The following MARCHF7 variants were observed in gnomAD, a reference collection of about 807,000 sequenced individuals.
MARCHF7 encodes the protein membrane associated ring-CH-type finger 7.
A neutral mutation model predicts 76.5 loss-of-function variants in MARCHF7; 20 were observed. The ratio of observed to expected loss-of-function variants is 0.26; its 90% CI spans 0.18 to 0.38. The LOEUF (loss-of-function observed/expected upper bound fraction) is 0.38. MARCHF7 is among the 10% of genes least tolerant of loss of function. The pLI, the probability that MARCHF7 is intolerant of heterozygous loss-of-function variation, is 1.00. For synonymous variants in MARCHF7, 295 were observed against 293.0 expected (o/e 1.01, Z -0.07); for missense variants, 797 against 812.9 (o/e 0.98, Z 0.24).
At chr2:159,717,168 C>G (rs1701127203) in intron 3 of MARCHF7, among the ~76,000 whole-genome samples, 1 of 150,148 alleles carries the variant, frequency 6.7e-6, no homozygotes, top group Non-Finnish European at 1.5e-5. Flanking sequence ...CTCTTACAAC[C>G]TTGAAAATCT....
intron 8 of MARCHF7, among the ~76,000 whole-genome samples, chr2:159,756,869 T>C (rs995661244): frequency 6.6e-6 from 1 of 151,084 alleles, no homozygotes; most frequent in Non-Finnish European, 1.5e-5. Context: ...ACATGGTAAG[T>C]ATGCGATTAA....
rs751197808 is a variant in MARCHF7 at position 159,747,891 on chromosome 2, A to G, written c.601A>G (p.Thr201Ala). ...CACTTTACAGTTGAATACATCATCC[A>G]CAAACCACCAATTGCCTTCTGAACA... is the stretch of plus-strand genomic sequence containing the variant. Reference protein sequence around the residue: ...MSTLQLNTSSTNHQLPSEHQT... With the variant: ...MSTLQLNTSSANHQLPSEHQT... Residue 201 changes from threonine (T) to alanine (A), a missense_variant, in exon 7 of 12, where the codon ACA (threonine) becomes GCA (alanine). Coordinates refer to ENST00000409175, the MANE Select transcript of MARCHF7 (RefSeq NM_001282805.2). The G allele has an allele frequency of 2.5e-6, 4 of 1,614,178 alleles. No individual in the cohort carries two copies. The African/African-American group carries it at 5.3e-5, about 22-fold the overall frequency.
At chr2:159,738,363 G>T (rs1703715521) in intron 4 of MARCHF7, among the ~76,000 whole-genome samples, 1 of 152,220 alleles carries the variant, frequency 6.6e-6, no homozygotes, top group South Asian at 2.1e-4. Context: ...AGCATGGTGA[G>T]TGGGGGGTAG....
intron 3 of MARCHF7, among the ~76,000 whole-genome samples, chr2:159,716,011 G>A (rs775494797): frequency 7.9e-5 from 12 of 152,310 alleles, no homozygotes; most frequent in Admixed American, 1.3e-4. Flanking sequence ...CAGTGGTGTA[G>A]TGTAGACTTA....
chr2:159,736,576 G>A (rs1703481854), intron 4 of MARCHF7, among the ~76,000 whole-genome samples: 3 of 151,634 alleles, frequency 2.0e-5, no homozygotes, highest in Non-Finnish European at 2.9e-5. Context: ...TTTTTTAATT[G>A]CATTGTTTTA....
intron 3 of MARCHF7, among the ~76,000 whole-genome samples, chr2:159,725,404 G>A (rs1559993734): frequency 6.6e-6 from 1 of 152,088 alleles, no homozygotes; most frequent in Non-Finnish European, 1.5e-5. Context: ...GTCTCGTTGT[G>A]GTTTTGATTT....
At chr2:159,757,456 G>A (rs1385698991) in intron 8 of MARCHF7, among the ~76,000 whole-genome samples, 1 of 152,214 alleles carries the variant, frequency 6.6e-6, no homozygotes, top group Non-Finnish European at 1.5e-5. Flanking sequence ...TTAGGCAGAT[G>A]CAATTCAGGG....
chr2:159,743,376 A>AT, intron 5 of MARCHF7, 123 bp downstream of exon 5: 2 of 847,456 alleles, frequency 2.4e-6, no homozygotes, highest in Middle Eastern at 7.4e-4. Context: ...ATGTAGTGGA[A>AT]TTTCCAAAAT....
At chr2:159,715,338 T>G (rs1700907056) in intron 2 of MARCHF7, among the ~76,000 whole-genome samples, 1 of 151,730 alleles carries the variant, frequency 6.6e-6, no homozygotes, top group Non-Finnish European at 1.5e-5. Flanking sequence ...GAGAATGAAA[T>G]TATAATTTGA....
At chr2:159,714,133 G>A (rs1465222851) in intron 1 of MARCHF7, among the ~76,000 whole-genome samples, 1 of 152,086 alleles carries the variant, frequency 6.6e-6, no homozygotes, top group African/African-American at 2.4e-5. Flanking sequence ...TTTTTAGTCC[G>A]CTCCATACCC....
At chr2:159,732,611 C>T (rs1702951978) in intron 4 of MARCHF7, among the ~76,000 whole-genome samples, 1 of 152,204 alleles carries the variant, frequency 6.6e-6, no homozygotes, top group African/African-American at 2.4e-5. Flanking sequence ...TTTCTGGGCA[C>T]AAGCAATCCT....
intron 4 of MARCHF7, among the ~76,000 whole-genome samples, chr2:159,730,288 T>G (rs1702630811): frequency 6.6e-6 from 1 of 152,208 alleles, no homozygotes; most frequent in Non-Finnish European, 1.5e-5. Context: ...AATGTTTGAT[T>G]TGCAAAAGTC....
intron 11 of MARCHF7, among the ~76,000 whole-genome samples, chr2:159,765,206 G>GGT (rs1560031762): frequency 2.0e-5 from 3 of 150,230 alleles, no homozygotes; most frequent in South Asian, 2.1e-4. Flanking sequence ...GTGGTAGTGG[G>GGT]TTTTTTTTTG....
In MARCHF7 at chr2:159,747,994, G is replaced by C; in HGVS notation, c.704G>C (p.Arg235Pro). The stretch of plus-strand genomic sequence containing the variant: ...TCTTCAAGAGAATCAGAATCTTCCC[G>C]AAGCAATACGCAGCCTGGATTTTCT... ...NFSSRESESS[R>P]SNTQPGFSYS... The change falls in exon 7 of 12, where the codon CGA becomes CCA. Residue 235 changes from arginine to proline, a missense_variant. Physicochemically the swap from Arg to Pro is moderately radical, Grantham distance 103. Coordinates refer to ENST00000409175, the MANE Select transcript of MARCHF7 (RefSeq NM_001282805.2). 11 of 1,614,050 alleles carry C rather than the reference G, an allele frequency of 6.8e-6. No individual in the cohort carries two copies. The highest frequency in any genetic ancestry group is 9.3e-6 in the Non-Finnish European group (11 of 1,180,006).
Position 159,729,156 on chromosome 2 carries a change from G to A in MARCHF7, c.134G>A (p.Arg45Lys). The change falls in exon 4 of 12, where the codon AGA becomes AAA. Residue 45 changes from arginine (R) to lysine (K), a missense_variant. Coordinates refer to ENST00000409175, the MANE Select transcript of MARCHF7 (RefSeq NM_001282805.2). ...DTYHSRDSSF[R>K]LDSEYQSTSA... ...TATCACTCAAGAGACTCTTCATTTA[G>A]ATTGGATTCTGAATATCAGGTAACA... 2 of 1,599,932 alleles carry A rather than the reference G, an allele frequency of 1.3e-6. No homozygotes were observed. The highest frequency in any genetic ancestry group is 1.7e-6 in the Non-Finnish European group (2 of 1,175,406).
chr2:159,748,973 C>CTTTTTTT lies in MARCHF7; in HGVS notation c.1613+74_1613+75insTTTTTTT, dbSNP rs1210018083. ...AAAGAACTCTTCATTTCTTTTTTTT[C>CTTTTTTT]TTTTCTTTTTTTTTTTTTTTTTTGA... On this transcript the variant is annotated intron_variant, in intron 7 of 11. Transcript: ENST00000409175. 144 of 684,518 alleles carry CTTTTTTT rather than the reference C, an allele frequency of 2.1e-4. 7 individuals carry two copies. The highest frequency in any genetic ancestry group is 1.0e-3 in the African/African-American group (36 of 35,016). The allele number at this position is 684,518 out of a possible 1,614,324, so 42.4% of individuals were successfully genotyped here.
At chr2:159,747,499 C>T (rs1705052286) in intron 6 of MARCHF7, among the ~76,000 whole-genome samples, 1 of 151,736 alleles carries the variant, frequency 6.6e-6, no homozygotes, top group East Asian at 1.9e-4. Context: ...TGTATCATAC[C>T]AAATAATTTC....
At chr2:159,749,434 G>A (rs892886582) in intron 7 of MARCHF7, among the ~76,000 whole-genome samples, 5 of 151,758 alleles carry the variant, frequency 3.3e-5, no homozygotes, top group African/African-American at 9.7e-5. Flanking sequence ...TGCAACCTCC[G>A]CCTCCCTGGT....
chr2:159,726,913 A>G (rs1444303435), intron 3 of MARCHF7, among the ~76,000 whole-genome samples: 1 of 152,226 alleles, frequency 6.6e-6, no homozygotes, highest in East Asian at 1.9e-4. Flanking sequence ...ACATTTGTCT[A>G]CAGTATTCAG....
Sources: allele counts gnomAD v4.1 joint callset (sites outside exome capture counted in the v4.1 genomes callset), GRCh38; gene constraint gnomAD v4.1.1; transcripts MANE v1.5; gene names NCBI Gene and HGNC (gene_info 2026-07-23, HGNC 2026-07-21).